The following TSHZ2 variants were observed in gnomAD, a reference collection of about 807,000 sequenced individuals.
The protein encoded by TSHZ2 is teashirt homolog 2.
In TSHZ2, 21 loss-of-function variants were observed where a neutral mutation model predicts 74.4. The observed-to-expected ratio is 0.28, with a 90% CI of 0.20 to 0.41. TSHZ2 has a LOEUF of 0.41. Ranked by LOEUF, TSHZ2 falls within the 10% of genes least tolerant of loss-of-function variation. The pLI is 1.00. For missense variants in TSHZ2, 1,244 were observed against 1,293.5 expected (o/e 0.96, Z 0.59); for synonymous variants, 540 against 515.3 (o/e 1.05, Z -0.65).
rs11472057 is a variant in TSHZ2, at chr20:53,250,901, TTGTGTG to T, written c.41-2574_41-2569del. On this transcript the variant is annotated intron_variant, in intron 1 of 2. Transcript: ENST00000371497. ...AAAATGACTATACTGGGTGGGCAGA[TTGTGTG>T]TGTGTGTGTGTGTGTGTGTGTGTAT... 1.6e-3 allele frequency among the ~76,000 whole-genome samples: 244 copies of T among 148,976 alleles called. 2 individuals carry two copies. Among genetic ancestry groups the T allele is most frequent in the African/African-American group, 2.3e-3 (93 of 40,466 alleles).
chr20:53,183,990 T>C (rs1377774664), intron 1 of TSHZ2, among the ~76,000 whole-genome samples: 1 of 152,160 alleles, frequency 6.6e-6, no homozygotes, highest in East Asian at 1.9e-4. Context: ...GGCAGCACCA[T>C]TGCCCACAAC....
intron 2 of TSHZ2, among the ~76,000 whole-genome samples, chr20:53,329,820 A>G (rs142162651): frequency 2.3e-4 from 34 of 150,780 alleles, no homozygotes; most frequent in African/African-American, 8.0e-4. Context: ...AAGAAAGAGA[A>G]AGAGAGAGAG....
rs1195644334 is a variant in TSHZ2, at chr20:53,255,985, G to A, written c.2527G>A (p.Gly843Ser). The change falls in exon 2 of 3, where the codon GGC becomes AGC. Residue 843 changes from glycine to serine, a missense_variant. Around this residue, in one of 6 missense-constraint regions of TSHZ2, gnomAD observed 562 missense variants for 544.0 expected, o/e 1.03. Coordinates refer to ENST00000371497, the MANE Select transcript of TSHZ2 (RefSeq NM_173485.6). This position sits in a 1 kb window ranked among gnomAD's most constrained non-coding sequence, Gnocchi z 4.1. ...AGTCTCAACTTTGCATAAAAGAAAA[G>A]GCCGGCAGTCCAACTGGAATCCTCA... The part of the protein sequence containing the change: ...SEVSTLHKRK[G>S]RQSNWNPQHL... 1 of 1,613,864 alleles carries A rather than the reference G, an allele frequency of 6.2e-7. No individual in the cohort carries two copies. Among genetic ancestry groups the A allele is most frequent in the Admixed American group, 1.7e-5 (1 of 60,024 alleles).
In TSHZ2 at chr20:53,256,459, C is replaced by T. The variant is rs1243217012; in HGVS notation, c.3001C>T (p.Arg1001Trp). The change falls in exon 2 of 3, where the codon CGG becomes TGG. Residue 1001 changes from arginine (R) to tryptophan (W), a missense_variant. Physicochemically the swap from Arg to Trp is moderately radical, Grantham distance 101 (BLOSUM62 -3). Around this residue, in one of 6 missense-constraint regions of TSHZ2, gnomAD observed 185 missense variants for 213.3 expected, o/e 0.87. Coordinates refer to ENST00000371497, the MANE Select transcript of TSHZ2 (RefSeq NM_173485.6). The surrounding 1 kb of genome is among the most constrained non-coding windows in gnomAD (Gnocchi z 4.3). ...DSKFKCKLCC[R>W]TFVSKHAVKL... ...TAAATTCAAGTGTAAGTTGTGCTGT[C>T]GGACATTTGTGAGCAAACATGCGGT... 4.3e-6 allele frequency: 7 copies of T among 1,613,954 alleles called. No homozygotes were observed. The highest frequency in any genetic ancestry group is 2.2e-5 in the South Asian group (2 of 91,064).
At chr20:53,104,987 G>A (rs1319753230) in intron 1 of TSHZ2, among the ~76,000 whole-genome samples, 1 of 152,158 alleles carries the variant, frequency 6.6e-6, no homozygotes, top group South Asian at 2.1e-4. Context: ...TTAAATGGAG[G>A]TTAATTATTA....
At chr20:53,095,641 A>G (rs1354954434) in intron 1 of TSHZ2, among the ~76,000 whole-genome samples, 1 of 152,114 alleles carries the variant, frequency 6.6e-6, no homozygotes. Flanking sequence ...AGGATTTTCA[A>G]CCTAAGCACT....
intron 2 of TSHZ2, among the ~76,000 whole-genome samples, chr20:53,319,677 G>A (rs1979170465): frequency 6.6e-6 from 1 of 152,204 alleles, no homozygotes; most frequent in Middle Eastern, 3.2e-3. Flanking sequence ...ATCTCATGTG[G>A]GCTCTGTCAC....
intron 2 of TSHZ2, among the ~76,000 whole-genome samples, chr20:53,361,293 G>A (rs1470383922): frequency 6.6e-6 from 1 of 152,198 alleles, no homozygotes; most frequent in African/African-American, 2.4e-5. Context: ...CTGTTCTTTG[G>A]GAGAAATGAT....
intron 1 of TSHZ2, among the ~76,000 whole-genome samples, chr20:53,213,121 TG>T (rs1404335941): frequency 6.6e-6 from 1 of 152,226 alleles, no homozygotes; most frequent in African/African-American, 2.4e-5. Flanking sequence ...CAGTTTTTGT[TG>T]ATTTATGGAG....
chr20:53,241,945 T>G (rs571214646), intron 1 of TSHZ2, among the ~76,000 whole-genome samples: 2 of 152,288 alleles, frequency 1.3e-5, no homozygotes, highest in Admixed American at 6.5e-5. Flanking sequence ...TCTATTAGGC[T>G]GATGCAAAAG....
At chr20:53,296,018 C>T (rs1323767202) in intron 2 of TSHZ2, among the ~76,000 whole-genome samples, 1 of 145,092 alleles carries the variant, frequency 6.9e-6, no homozygotes. Context: ...CATTACTATC[C>T]AGGTCTGTAA....
intron 1 of TSHZ2, among the ~76,000 whole-genome samples, chr20:53,113,436 C>T (rs760382376): frequency 6.6e-6 from 1 of 151,954 alleles, no homozygotes; most frequent in Non-Finnish European, 1.5e-5. Flanking sequence ...TGTAGTTTAT[C>T]GCTGTTTAGC....
rs182834216 is a variant in TSHZ2 at position 53,065,605 on chromosome 20, G to C, written c.40+92272G>C. Among the ~76,000 whole-genome samples the C allele has an allele frequency of 7.2e-5, 11 of 152,278 alleles. No individual in the cohort carries two copies. The East Asian group carries it at 1.9e-3, about 27-fold the overall frequency. ...AGGCAGATCGTAAATGGTTGGATTT[G>C]TCCTGTCCCCACCCCTGGGGATACC... On this transcript the variant is annotated intron_variant, in intron 1 of 2. Coordinates refer to ENST00000371497, the MANE Select transcript of TSHZ2 (RefSeq NM_173485.6).
intron 2 of TSHZ2, among the ~76,000 whole-genome samples, chr20:53,394,713 C>T (rs896770868): frequency 1.3e-5 from 2 of 148,648 alleles, no homozygotes; most frequent in African/African-American, 5.0e-5. Context: ...GTTCACTTAC[C>T]AGCCCCACCT....
At chr20:53,070,655 A>G (rs6022265) in intron 1 of TSHZ2, among the ~76,000 whole-genome samples, 2,396 of 152,188 alleles carry the variant, frequency 0.016, 70 homozygotes, top group African/African-American at 0.055. Context: ...TGTGTGTATG[A>G]ATGTGTGTGT....
chr20:53,258,336 T>G (rs927888401), intron 2 of TSHZ2, among the ~76,000 whole-genome samples: 1 of 152,058 alleles, frequency 6.6e-6, no homozygotes, highest in Non-Finnish European at 1.5e-5. Context: ...CTTAAATAAC[T>G]TGCCATTATG....
intron 2 of TSHZ2, among the ~76,000 whole-genome samples, chr20:53,481,449 C>T (rs1466271253): frequency 6.6e-6 from 1 of 151,996 alleles, no homozygotes; most frequent in Non-Finnish European, 1.5e-5. Flanking sequence ...TGGTGCACAC[C>T]TGTGGTCCCA....
chr20:53,224,857 A>G (rs113843474), intron 1 of TSHZ2, among the ~76,000 whole-genome samples: 20,180 of 149,668 alleles, frequency 0.13, 1,571 homozygotes, highest in African/African-American at 0.23. Flanking sequence ...CTCAAAAAAA[A>G]AAAAAAAAAA....
chr20:53,159,418 G>A (rs754118231), intron 1 of TSHZ2, among the ~76,000 whole-genome samples: 1 of 152,158 alleles, frequency 6.6e-6, no homozygotes, highest in Non-Finnish European at 1.5e-5. Flanking sequence ...GCAGAATTGA[G>A]TAGGTGCTAC....
Sources: gnomAD v4.1 joint callset for allele counts (sites outside exome capture counted in the v4.1 genomes callset) on GRCh38, gnomAD v4.1.1 for gene constraint, gnomAD v4.1.1 regional missense constraint, Gnocchi (gnomAD v3.1) non-coding constraint, MANE v1.5 for transcripts, NCBI Gene and HGNC (gene_info 2026-07-23, HGNC 2026-07-21) for gene names.